The following CRPPA variants were observed in gnomAD, a reference collection of about 807,000 sequenced individuals.
CRPPA encodes D-ribitol-5-phosphate cytidylyltransferase.
CRPPA carries 43 observed loss-of-function variants against 52.0 expected under a neutral mutation model. The observed-to-expected ratio is 0.83, with a 90% CI of 0.65 to 1.07. CRPPA has a LOEUF of 1.07. CRPPA is among the 50% of genes least tolerant of loss of function. The pLI is 0.00. For missense variants in CRPPA, 629 were observed against 551.7 expected (o/e 1.14, Z -1.40); for synonymous variants, 250 against 203.5 (o/e 1.23, Z -1.94).
At chr7:16,314,813 C>A (rs1785108996) in intron 3 of CRPPA, among the ~76,000 whole-genome samples, 1 of 151,906 alleles carries the variant, frequency 6.6e-6, no homozygotes, top group South Asian at 2.1e-4. Context: ...GTATATTTTT[C>A]TTGTCTTTTG....
At chr7:16,205,536 G>C (rs1201427475) in intron 9 of CRPPA, among the ~76,000 whole-genome samples, 5 of 152,124 alleles carry the variant, frequency 3.3e-5, no homozygotes, top group Non-Finnish European at 7.4e-5. Context: ...TGCTACCAAA[G>C]TTCAGAAAGA....
At chr7:16,248,507 G>A (rs1224004277) in intron 8 of CRPPA, among the ~76,000 whole-genome samples, 2 of 152,230 alleles carry the variant, frequency 1.3e-5, no homozygotes, top group Middle Eastern at 3.4e-3. Context: ...CAGAGAATGC[G>A]CTTCTGTGAT....
At chr7:16,145,997 G>A (rs1189869216) in intron 9 of CRPPA, among the ~76,000 whole-genome samples, 1 of 152,026 alleles carries the variant, frequency 6.6e-6, no homozygotes, top group Non-Finnish European at 1.5e-5. Context: ...GTGGAATTAA[G>A]AGGTCTTCAC....
intron 9 of CRPPA, among the ~76,000 whole-genome samples, chr7:16,173,410 A>G (rs1781233865): frequency 6.6e-6 from 1 of 152,228 alleles, no homozygotes; most frequent in Non-Finnish European, 1.5e-5. Flanking sequence ...TACTCTCACC[A>G]CTACATTTAA....
intron 9 of CRPPA, 65 bp from the exon 10 acceptor site, chr7:16,091,864 A>T: frequency 1.0e-6 from 1 of 971,024 alleles, no homozygotes; most frequent in Non-Finnish European, 1.5e-6. Flanking sequence ...AAGTTTGATA[A>T]AAAGCCACTT....
At chr7:16,342,782 A>AAAAAAAAAAAAAT (rs1554335212) in intron 3 of CRPPA, among the ~76,000 whole-genome samples, 2 of 76,534 alleles carry the variant, frequency 2.6e-5, no homozygotes, top group Admixed American at 1.6e-4. Context: ...AAAAAAAAAA[A>AAAAAAAAAAAAAT]ATATATATAT....
chr7:16,297,310 G>C (rs778682719), intron 5 of CRPPA, among the ~76,000 whole-genome samples: 1 of 152,138 alleles, frequency 6.6e-6, no homozygotes, highest in Non-Finnish European at 1.5e-5. Flanking sequence ...CCAAGTCTTG[G>C]TTTTAAATCT....
At chr7:16,377,399 A>G (rs1163905666) in intron 2 of CRPPA, among the ~76,000 whole-genome samples, 1 of 152,238 alleles carries the variant, frequency 6.6e-6, no homozygotes, top group Non-Finnish European at 1.5e-5. Flanking sequence ...ACAAACATGC[A>G]TGCTGCTTTA....
At chr7:16,241,167 A>T (rs1172359198) in intron 8 of CRPPA, among the ~76,000 whole-genome samples, 1 of 152,152 alleles carries the variant, frequency 6.6e-6, no homozygotes, top group African/African-American at 2.4e-5. Flanking sequence ...GAAAATATCA[A>T]GTGTAAATGG....
At chr7:16,342,782 A>AAAAAAAAAAAAAAAAAAATAT (rs1554335212) in intron 3 of CRPPA, among the ~76,000 whole-genome samples, 3 of 76,542 alleles carry the variant, frequency 3.9e-5, no homozygotes, top group Non-Finnish European at 8.3e-5. Flanking sequence ...AAAAAAAAAA[A>AAAAAAAAAAAAAAAAAAATAT]ATATATATAT....
At chr7:16,196,548 T>G (rs1781739486) in intron 9 of CRPPA, among the ~76,000 whole-genome samples, 1 of 152,130 alleles carries the variant, frequency 6.6e-6, no homozygotes, top group Admixed American at 6.6e-5. Context: ...CTAACAAAAG[T>G]GCATTCAAGA....
At chr7:16,178,727 T>C (rs949680511) in intron 9 of CRPPA, among the ~76,000 whole-genome samples, 1 of 152,056 alleles carries the variant, frequency 6.6e-6, no homozygotes, top group Non-Finnish European at 1.5e-5. Flanking sequence ...AAACATTCAA[T>C]GAATGTATAG....
At chr7:16,397,766 T>C (rs921692815) in intron 2 of CRPPA, among the ~76,000 whole-genome samples, 1 of 152,236 alleles carries the variant, frequency 6.6e-6, no homozygotes, top group African/African-American at 2.4e-5. Flanking sequence ...GGCACGTGAT[T>C]GGCACGTGAC....
At chr7:16,332,723 C>A (rs1173445701) in intron 3 of CRPPA, among the ~76,000 whole-genome samples, 2 of 152,016 alleles carry the variant, frequency 1.3e-5, no homozygotes, top group Non-Finnish European at 2.9e-5. Context: ...CAGAAAAACA[C>A]TGGAAAACAA....
At chr7:16,272,907 T>C (rs1784120536) in intron 6 of CRPPA, among the ~76,000 whole-genome samples, 1 of 152,042 alleles carries the variant, frequency 6.6e-6, no homozygotes, top group East Asian at 1.9e-4. Flanking sequence ...TTATTTTTTT[T>C]CCATTTATAT....
intron 3 of CRPPA, among the ~76,000 whole-genome samples, chr7:16,338,383 C>T (rs973418903): frequency 3.9e-5 from 6 of 152,114 alleles, no homozygotes; most frequent in Non-Finnish European, 8.8e-5. Context: ...GAATATATCT[C>T]AACACAATAA....
intron 8 of CRPPA, among the ~76,000 whole-genome samples, chr7:16,252,243 T>A (rs1298317462): frequency 6.6e-6 from 1 of 152,100 alleles, no homozygotes; most frequent in African/African-American, 2.4e-5. Context: ...CAAGGCTGGG[T>A]CAACATATGC....
chr7:16,414,351 AC>A (rs1460618019), intron 1 of CRPPA, among the ~76,000 whole-genome samples: 2 of 5,130 alleles, frequency 3.9e-4, no homozygotes, highest in Admixed American at 1.8e-3. Flanking sequence ...CCCTACCCCA[AC>A]ACACACACAC....
intron 9 of CRPPA, among the ~76,000 whole-genome samples, chr7:16,183,717 C>T (rs1247797468): frequency 6.6e-6 from 1 of 151,940 alleles, no homozygotes; most frequent in Non-Finnish European, 1.5e-5. Flanking sequence ...AAAGATGACC[C>T]CAAATTTCAT....
Sources: gnomAD v4.1 joint callset for allele counts (sites outside exome capture counted in the v4.1 genomes callset) on GRCh38, gnomAD v4.1.1 for gene constraint, MANE v1.5 for transcripts, NCBI Gene and HGNC (gene_info 2026-07-23, HGNC 2026-07-21) for gene names.